The following SLC25A13 variants were observed in gnomAD, a reference collection of about 807,000 sequenced individuals.
SLC25A13 encodes the protein solute carrier family 25 member 13, also known as electrogenic aspartate/glutamate antiporter SLC25A13, mitochondrial.
SLC25A13 carries 70 observed loss-of-function variants against 85.5 expected under a neutral mutation model. The ratio of observed to expected loss-of-function variants is 0.82; its 90% CI spans 0.68 to 1.00. SLC25A13 has a LOEUF of 1.00. SLC25A13 is among the 50% of genes least tolerant of loss of function. The pLI, the probability that SLC25A13 is intolerant of heterozygous loss-of-function variation, is 0.00. For missense variants in SLC25A13, 765 were observed against 819.8 expected (o/e 0.93, Z 0.82); for synonymous variants, 259 against 288.7 (o/e 0.90, Z 1.04).
intron 13 of SLC25A13, 85 bp downstream of exon 13, chr7:96,169,960 G>C: frequency 7.4e-7 from 1 of 1,345,302 alleles, no homozygotes; most frequent in Non-Finnish European, 1.1e-6. Flanking sequence ...TTAAACAGAA[G>C]CCTTAGTCCA....
At chr7:96,160,974 ATT>A (rs5885943) in intron 13 of SLC25A13, among the ~76,000 whole-genome samples, 3,293 of 135,440 alleles carry the variant, frequency 0.024, 54 homozygotes, top group African/African-American at 0.06. Flanking sequence ...TGAGGTTAGC[ATT>A]TTTTTTTTTT....
chr7:96,295,213 G>C, intron 2 of SLC25A13, among the ~76,000 whole-genome samples: 1 of 152,074 alleles, frequency 6.6e-6, no homozygotes, highest in South Asian at 2.1e-4. Flanking sequence ...AAAATTAGCC[G>C]GGTGTGGTGG....
At chr7:96,157,370 T>C (rs1275125926) in intron 13 of SLC25A13, among the ~76,000 whole-genome samples, 1 of 152,248 alleles carries the variant, frequency 6.6e-6, no homozygotes, top group East Asian at 1.9e-4. Context: ...AGTGTCTACA[T>C]GCTTCTATAA....
At chr7:96,145,041 T>C (rs1450371382) in intron 14 of SLC25A13, among the ~76,000 whole-genome samples, 2 of 152,166 alleles carry the variant, frequency 1.3e-5, no homozygotes, top group African/African-American at 4.8e-5. Flanking sequence ...CTATGCCTCA[T>C]GACAACAGTG....
rs913634764 is a variant in SLC25A13 at position 96,223,554 on chromosome 7, G to T, written c.328+11248C>A. On this transcript the variant is annotated intron_variant, in intron 4 of 17. Coordinates refer to ENST00000265631, the MANE Select transcript of SLC25A13 (RefSeq NM_014251.3). ...TGTAATCCTAGTACTTTGGGAGGCC[G>T]AGGCGGGTGGATTGCCTCAGCTCAG... is the stretch of plus-strand genomic sequence containing the variant. 2.6e-5 allele frequency among the ~76,000 whole-genome samples: 4 copies of T among 152,136 alleles called. No individual in the cohort carries two copies. In the East Asian group the frequency reaches 7.7e-4, roughly 29 times the overall value.
At chr7:96,163,387 T>A (rs1339157245) in intron 13 of SLC25A13, among the ~76,000 whole-genome samples, 1 of 152,142 alleles carries the variant, frequency 6.6e-6, no homozygotes, top group Non-Finnish European at 1.5e-5. Context: ...TGGATATCTA[T>A]CCCGGTTGAC....
chr7:96,181,550 G>A (rs1432589302), intron 11 of SLC25A13, among the ~76,000 whole-genome samples: 3 of 151,924 alleles, frequency 2.0e-5, no homozygotes, highest in Non-Finnish European at 2.9e-5. Context: ...TAATAAGATC[G>A]CATGCTACAA....
intron 1 of SLC25A13, among the ~76,000 whole-genome samples, chr7:96,309,080 G>C (rs1799862371): frequency 6.6e-6 from 1 of 152,216 alleles, no homozygotes; most frequent in East Asian, 1.9e-4. Context: ...AAATGAGTGT[G>C]TGAATTCTCA....
In SLC25A13 at chr7:96,184,387, A is replaced by G; in HGVS notation, c.1067T>C (p.Met356Thr). 1 of 1,614,198 alleles carries G rather than the reference A, an allele frequency of 6.2e-7. No individual in the cohort carries two copies. Among genetic ancestry groups the G allele is most frequent in the Non-Finnish European group, 8.5e-7 (1 of 1,180,020 alleles). ...VYPIDLVKTR[M>T]QNQRSTGSFV... Reference sequence around the variant, plus strand: ...AGAGCCAGTTGATCGTTGGTTCTGCATTCGAGTTTTTACAAGATCGATAGG... The same window carrying G: ...AGAGCCAGTTGATCGTTGGTTCTGCGTTCGAGTTTTTACAAGATCGATAGG... The change falls in exon 11 of 18, where the codon ATG (methionine) becomes ACG (threonine). Residue 356 changes from methionine (M) to threonine (T), a missense_variant. Transcript: ENST00000265631.
chr7:96,138,981 CA>C (rs1792411169), intron 14 of SLC25A13, among the ~76,000 whole-genome samples: 1 of 152,142 alleles, frequency 6.6e-6, no homozygotes, highest in South Asian at 2.1e-4. Flanking sequence ...GGAAATTACC[CA>C]GGACTGGAAT....
chr7:96,256,504 G>A lies in SLC25A13; in HGVS notation c.212+20692C>T, dbSNP rs529096419. On this transcript the variant is annotated intron_variant, in intron 3 of 17. Transcript: ENST00000265631. ...TATATAATGATAAAGGGATCAATCC[G>A]ACAAGAAGAGCTAGCTATCCTAAAT... Among the ~76,000 whole-genome samples, 8 of 152,122 alleles carry A rather than the reference G, an allele frequency of 5.3e-5. No homozygotes were observed. In the East Asian group the frequency reaches 1.2e-3, roughly 22 times the overall value.
intron 3 of SLC25A13, among the ~76,000 whole-genome samples, chr7:96,274,460 C>T (rs1798368156): frequency 6.6e-6 from 1 of 152,044 alleles, no homozygotes. Flanking sequence ...CTGTAGGTTG[C>T]CTGTTCACTC....
intron 1 of SLC25A13, chr7:96,309,426 C>G (rs1799873821): frequency 6.6e-6 from 1 of 152,220 alleles, no homozygotes; most frequent in Non-Finnish European, 1.5e-5. Context: ...CTGGCGATTA[C>G]CCATGCACAA....
At chr7:96,221,537 G>C (rs1242219196) in intron 4 of SLC25A13, among the ~76,000 whole-genome samples, 1 of 151,992 alleles carries the variant, frequency 6.6e-6, no homozygotes, top group Non-Finnish European at 1.5e-5. Context: ...CTATCTTTTC[G>C]AATATTTCAT....
At chr7:96,318,925 A>C (rs965686090) in intron 1 of SLC25A13, among the ~76,000 whole-genome samples, 1 of 152,192 alleles carries the variant, frequency 6.6e-6, no homozygotes, top group African/African-American at 2.4e-5. Flanking sequence ...TCAACTTTTA[A>C]GAGGGAATGC....
intron 5 of SLC25A13, among the ~76,000 whole-genome samples, chr7:96,207,162 T>C (rs1440749615): frequency 6.6e-6 from 1 of 152,174 alleles, no homozygotes; most frequent in Non-Finnish European, 1.5e-5. Context: ...TAACGCTTTG[T>C]TTTTAAAAAA....
intron 1 of SLC25A13, among the ~76,000 whole-genome samples, chr7:96,304,192 A>T (rs1473823376): frequency 1.3e-5 from 2 of 152,202 alleles, no homozygotes; most frequent in East Asian, 3.8e-4. Context: ...CTGAAATATA[A>T]ATTAGTACAA....
chr7:96,160,567 C>T (rs1793468502), intron 13 of SLC25A13, among the ~76,000 whole-genome samples: 2 of 152,168 alleles, frequency 1.3e-5, no homozygotes, highest in South Asian at 4.1e-4. Context: ...TCACTGTGTC[C>T]TCACATGGAG....
chr7:96,299,689 T>G (rs1799483007), intron 1 of SLC25A13, among the ~76,000 whole-genome samples: 1 of 152,216 alleles, frequency 6.6e-6, no homozygotes, highest in South Asian at 2.1e-4. Flanking sequence ...CATGCATCAC[T>G]TAACAACAGG....
Sources: gnomAD v4.1 joint callset for allele counts (sites outside exome capture counted in the v4.1 genomes callset) on GRCh38, gnomAD v4.1.1 for gene constraint, MANE v1.5 for transcripts, NCBI Gene and HGNC (gene_info 2026-07-23, HGNC 2026-07-21) for gene names.